Variants in ANK3 observed in about 807,000 individuals in gnomAD.
ANK3 encodes ankyrin-3.
ANK3 carries 57 observed loss-of-function variants against 370.9 expected under a neutral mutation model. That is an observed-to-expected ratio of 0.15 (90% CI 0.12 to 0.19). ANK3 has a LOEUF of 0.19. ANK3 is among the 10% of genes least tolerant of loss of function. The pLI, the probability that ANK3 is intolerant of heterozygous loss-of-function variation, is 1.00. For missense variants in ANK3, 4,439 were observed against 5,302.1 expected, an observed-to-expected ratio of 0.84 and a Z score of 5.06; for synonymous variants, 1,929 against 1,946.3, an observed-to-expected ratio of 0.99 and a Z score of 0.23.
chr10:60,396,514 T>C (rs2063243540), intron 2 of ANK3, among the ~76,000 whole-genome samples: 1 of 152,216 alleles, frequency 6.6e-6, no homozygotes, highest in Non-Finnish European at 1.5e-5. Context: ...TGTATAATTA[T>C]AGTTTCCATC....
At chr10:60,698,365 C>A (rs1337269720) in intron 1 of ANK3, among the ~76,000 whole-genome samples, 1 of 151,574 alleles carries the variant, frequency 6.6e-6, no homozygotes, top group Non-Finnish European at 1.5e-5. Flanking sequence ...GGATCTAGAA[C>A]TAGAAATACC....
In ANK3 at chr10:60,068,715, C is replaced by G. The variant is rs1260428668; in HGVS notation, c.12166G>C (p.Asp4056His). 2 of 1,614,014 alleles carry G rather than the reference C, an allele frequency of 1.2e-6. No individual in the cohort carries two copies. The highest frequency in any genetic ancestry group is 2.7e-5 in the African/African-American group (2 of 74,920). The change falls in exon 37 of 44, where the codon GAT (aspartate) becomes CAT (histidine). Residue 4056 changes from aspartate (D) to histidine (H), a missense_variant. Asp to His is a moderately conservative substitution (Grantham distance 81). Coordinates refer to ENST00000280772, the MANE Select transcript of ANK3 (RefSeq NM_020987.5). ...AAAGGTGCTGCCTCTGTTTTCTTAT[C>G]TCTAGCAGACTTCGTTGTAACCGAA... ...QPSVTTKSAR[D>H]KKTEAAPLKS... is the part of the protein sequence containing the mutation.
In ANK3 at chr10:60,263,821, C is replaced by A. The variant is rs1222430241; in HGVS notation, c.699+14G>T. The A allele has an allele frequency of 1.2e-6, 2 of 1,613,064 alleles. No homozygotes were observed. The highest frequency in any genetic ancestry group is 1.7e-6 in the Non-Finnish European group (2 of 1,179,816). On this transcript the variant is annotated intron_variant, in intron 6 of 43. Transcript: ENST00000280772. Reference sequence around the variant, plus strand: ...GGAGAGTTGCATGACAGGCCCGTGTCCCTCGTGCCTCACCTTTGATTCCAC... The same window carrying A: ...GGAGAGTTGCATGACAGGCCCGTGTACCTCGTGCCTCACCTTTGATTCCAC...
At chr10:60,097,884 T>C (rs2090451604) in intron 28 of ANK3, among the ~76,000 whole-genome samples, 1 of 152,210 alleles carries the variant, frequency 6.6e-6, no homozygotes. Context: ...GGTTAATTTC[T>C]AGTCAGGTGC....
chr10:60,102,213 C>T (rs2091389390), intron 28 of ANK3, among the ~76,000 whole-genome samples: 1 of 150,168 alleles, frequency 6.7e-6, no homozygotes, highest in African/African-American at 2.5e-5. Flanking sequence ...GAAAGTACCC[C>T]TATGTCTTAC....
At chr10:60,445,880 A>G (rs2064432963) in intron 2 of ANK3, among the ~76,000 whole-genome samples, 1 of 152,236 alleles carries the variant, frequency 6.6e-6, no homozygotes. Flanking sequence ...GCTTTCTCAG[A>G]TGATCACAGA....
chr10:60,082,303 A>G, intron 34 of ANK3, 127 bp from the exon 35 acceptor site: 1 of 899,080 alleles, frequency 1.1e-6, no homozygotes, highest in Non-Finnish European at 1.7e-6. Flanking sequence ...AGCAAAGCAA[A>G]TTTTAAAAAA....
At chr10:60,061,481 A>G (rs1207862690) in intron 40 of ANK3, among the ~76,000 whole-genome samples, 1 of 152,154 alleles carries the variant, frequency 6.6e-6, no homozygotes, top group African/African-American at 2.4e-5. Flanking sequence ...TATTTTTTCC[A>G]ATAAAGAATA....
intron 8 of ANK3, among the ~76,000 whole-genome samples, chr10:60,226,483 A>G (rs1359758728): frequency 3.9e-4 from 31 of 80,002 alleles, no homozygotes; most frequent in East Asian, 8.2e-4. Context: ...TATATACTAT[A>G]TATATACATA....
At chr10:60,635,669 T>A (rs1302045773) in intron 1 of ANK3, among the ~76,000 whole-genome samples, 1 of 150,272 alleles carries the variant, frequency 6.7e-6, no homozygotes, top group African/African-American at 2.4e-5. Flanking sequence ...GTAGTCATTT[T>A]AAAAAATAAA....
At chr10:60,212,033 G>T (rs1204229437) in intron 9 of ANK3, among the ~76,000 whole-genome samples, 1 of 151,368 alleles carries the variant, frequency 6.6e-6, no homozygotes, top group East Asian at 1.9e-4. Flanking sequence ...CATTAAACAA[G>T]AACAGGATAC....
At chr10:60,313,106 C>T (rs2132854798) in intron 1 of ANK3, among the ~76,000 whole-genome samples, 1 of 152,250 alleles carries the variant, frequency 6.6e-6, no homozygotes, top group South Asian at 2.1e-4. Flanking sequence ...AGCACAATAC[C>T]TGAGATATGT....
At chr10:60,705,707 C>T (rs74524307) in intron 1 of ANK3, among the ~76,000 whole-genome samples, 6,112 of 152,156 alleles carry the variant, frequency 0.04, 158 homozygotes, top group South Asian at 0.071. Flanking sequence ...TCTGTACAAG[C>T]CCATCTATTA....
chr10:60,723,653 G>A (rs2079896352), intron 1 of ANK3, among the ~76,000 whole-genome samples: 1 of 152,146 alleles, frequency 6.6e-6, no homozygotes, highest in Non-Finnish European at 1.5e-5. Flanking sequence ...GACACTCAAA[G>A]GCTGACCATT....
intron 1 of ANK3, among the ~76,000 whole-genome samples, chr10:60,380,831 A>G (rs1185463401): frequency 6.6e-6 from 1 of 152,184 alleles, no homozygotes; most frequent in Non-Finnish European, 1.5e-5. Context: ...TGATAATTCT[A>G]AGTGGCAGTT....
At chr10:60,282,573 G>C (rs2098179795) in intron 1 of ANK3, among the ~76,000 whole-genome samples, 1 of 151,898 alleles carries the variant, frequency 6.6e-6, no homozygotes. Context: ...TGTGGTTCAG[G>C]AGTGCTAAGC....
At chr10:60,143,425 T>C (rs1413012383) in intron 23 of ANK3, among the ~76,000 whole-genome samples, 6 of 152,224 alleles carry the variant, frequency 3.9e-5, no homozygotes, top group African/African-American at 1.4e-4. Context: ...TGGCAGCTTC[T>C]AACACGTGTG....
At chr10:60,267,292 G>T (rs2097897163) in intron 5 of ANK3, among the ~76,000 whole-genome samples, 1 of 152,040 alleles carries the variant, frequency 6.6e-6, no homozygotes, top group Non-Finnish European at 1.5e-5. Context: ...AATATCATTT[G>T]AATAAAATGT....
chr10:60,693,896 G>A (rs12219893), intron 1 of ANK3, among the ~76,000 whole-genome samples: 18,447 of 152,084 alleles, frequency 0.12, 1,473 homozygotes, highest in East Asian at 0.27. Context: ...AAAGCTGGAT[G>A]GAGAATGACT....
Sources: gnomAD v4.1 joint callset for allele counts (sites outside exome capture counted in the v4.1 genomes callset) on GRCh38, gnomAD v4.1.1 for gene constraint, MANE v1.5 for transcripts, NCBI Gene and HGNC (gene_info 2026-07-23, HGNC 2026-07-21) for gene names.